The following MFN1 variants were observed in gnomAD, a reference collection of about 807,000 sequenced individuals.
MFN1 encodes mitofusin-1.
MFN1 carries 65 observed loss-of-function variants against 92.4 expected under a neutral mutation model. That is an observed-to-expected ratio of 0.70 (90% CI 0.58 to 0.86). The LOEUF is 0.86. Among genes scored for constraint, MFN1 ranks in the 40% least tolerant of loss-of-function variants. The pLI is 0.00. For synonymous variants in MFN1, 297 were observed against 300.9 expected (o/e 0.99, Z 0.13); for missense variants, 781 against 868.0 (o/e 0.90, Z 1.26).
intron 9 of MFN1, among the ~76,000 whole-genome samples, chr3:179,374,641 T>A (rs1221502241): frequency 6.6e-6 from 1 of 152,092 alleles, no homozygotes; most frequent in Non-Finnish European, 1.5e-5. Flanking sequence ...TACAATTATC[T>A]TCTAAACAGC....
At chr3:179,358,189 C>T (rs1238592580) in intron 3 of MFN1, among the ~76,000 whole-genome samples, 1 of 130,904 alleles carries the variant, frequency 7.6e-6, no homozygotes, top group Non-Finnish European at 1.5e-5. Context: ...CTGGCTCTGT[C>T]GCCCAGGCTG....
At chr3:179,351,578 C>T (rs1472112258) in intron 2 of MFN1, among the ~76,000 whole-genome samples, 2 of 152,188 alleles carry the variant, frequency 1.3e-5, no homozygotes, top group African/African-American at 4.8e-5. Flanking sequence ...TCCATTCAGT[C>T]AGGTTGGAAC....
chr3:179,353,886 C>T (rs1197921414), intron 3 of MFN1, among the ~76,000 whole-genome samples: 1 of 152,256 alleles, frequency 6.6e-6, no homozygotes, highest in Non-Finnish European at 1.5e-5. Flanking sequence ...AGTGCCTTCT[C>T]ATTCTTCATA....
intron 3 of MFN1, among the ~76,000 whole-genome samples, chr3:179,357,131 G>A (rs910031394): frequency 1.3e-5 from 2 of 151,898 alleles, no homozygotes; most frequent in African/African-American, 4.8e-5. Context: ...TGGATCTGGG[G>A]GCCCAAAAAA....
chr3:179,385,466 ATT>A (rs1713642576), intron 14 of MFN1, 101 bp from the exon 15 acceptor site: 2 of 1,057,984 alleles, frequency 1.9e-6, no homozygotes, highest in Non-Finnish European at 2.7e-6. Context: ...ATTTAGGGTA[ATT>A]TTTCCCTCAT....
intron 9 of MFN1, among the ~76,000 whole-genome samples, chr3:179,368,383 G>C (rs1013480718): frequency 2.0e-4 from 31 of 152,156 alleles, no homozygotes; most frequent in Admixed American, 1.4e-3. Context: ...GTTGTGCAAT[G>C]AATGAAATTC....
At chr3:179,384,389 C>T (rs1268506763) in intron 14 of MFN1, among the ~76,000 whole-genome samples, 3 of 151,980 alleles carry the variant, frequency 2.0e-5, no homozygotes. Flanking sequence ...TTTGCATTTC[C>T]CTAATGACCA....
intron 3 of MFN1, among the ~76,000 whole-genome samples, chr3:179,356,907 T>C (rs1712364583): frequency 6.6e-6 from 1 of 152,110 alleles, no homozygotes; most frequent in Non-Finnish European, 1.5e-5. Context: ...AATCGTAGGG[T>C]CACCAAATGA....
chr3:179,368,001 T>C (rs759366131), intron 8 of MFN1, 35 bp from the exon 9 acceptor site: 3 of 1,421,160 alleles, frequency 2.1e-6, no homozygotes, highest in Non-Finnish European at 2.8e-6. Flanking sequence ...TCTTGCTACA[T>C]ACTAGGTTTT....
intron 14 of MFN1, among the ~76,000 whole-genome samples, chr3:179,382,083 T>TA (rs559171251): frequency 5.3e-5 from 8 of 151,832 alleles, no homozygotes; most frequent in Admixed American, 1.3e-4. Flanking sequence ...AATTTTTTTT[T>TA]ATTATACTTT....
At chr3:179,380,446 T>C (rs1713421436) in intron 14 of MFN1, among the ~76,000 whole-genome samples, 1 of 152,116 alleles carries the variant, frequency 6.6e-6, no homozygotes, top group African/African-American at 2.4e-5. Context: ...TTTTTACTAG[T>C]CCATTATTGT....
chr3:179,357,063 G>C (rs991235914), intron 3 of MFN1, among the ~76,000 whole-genome samples: 91 of 152,134 alleles, frequency 6.0e-4, no homozygotes, highest in African/African-American at 2.2e-3. Context: ...ATAAGGCTAG[G>C]CTGTATTCGC....
intron 5 of MFN1, among the ~76,000 whole-genome samples, chr3:179,363,554 G>T (rs998070637): frequency 5.9e-5 from 9 of 151,696 alleles, no homozygotes; most frequent in Non-Finnish European, 5.9e-5. Context: ...TGCAGTGGTG[G>T]GATCATGGCT....
At chr3:179,365,958 G>A (rs1712770392) in intron 7 of MFN1, among the ~76,000 whole-genome samples, 1 of 152,150 alleles carries the variant, frequency 6.6e-6, no homozygotes, top group Admixed American at 6.5e-5. Flanking sequence ...AGTTATGAAT[G>A]CTACTGTGCA....
chr3:179,366,117 C>G (rs1167676390), intron 7 of MFN1, among the ~76,000 whole-genome samples: 1 of 152,144 alleles, frequency 6.6e-6, no homozygotes, highest in Non-Finnish European at 1.5e-5. Context: ...TTTTGTGCTA[C>G]TGGCATCTAA....
At chr3:179,389,215 G>GTTA (rs1713807556) in intron 16 of MFN1, among the ~76,000 whole-genome samples, 3 of 152,108 alleles carry the variant, frequency 2.0e-5, no homozygotes, top group Admixed American at 6.6e-5. Context: ...TTATATTAAG[G>GTTA]ATGAGTTTTC....
At position 179,380,017 on chromosome 3, in the gene MFN1, A is replaced by G. The variant is rs147780852; in HGVS notation, c.1662+1203A>G. On this transcript the variant is annotated intron_variant, in intron 14 of 17. Coordinates refer to ENST00000471841, the MANE Select transcript of MFN1 (RefSeq NM_033540.3). ...TGCAGTGAACACGTGCCACTTAAGG[A>G]CATGCTGATCATGAAATAAACATCT... Among the ~76,000 whole-genome samples the G allele has an allele frequency of 2.6e-3, 400 of 152,332 alleles. 2 individuals carry two copies. The highest frequency in any genetic ancestry group is 9.0e-3 in the African/African-American group (376 of 41,570).
At position 179,367,571 on chromosome 3, in the gene MFN1, G is replaced by A; in HGVS notation, c.886G>A (p.Ala296Thr). 3 of 1,611,244 alleles carry A rather than the reference G, an allele frequency of 1.9e-6. No individual in the cohort carries two copies. The highest frequency in any genetic ancestry group is 2.5e-6 in the Non-Finnish European group (3 of 1,179,096). The change falls in exon 8 of 18, where the codon GCA becomes ACA. Residue 296 changes from alanine (A) to threonine (T), a missense_variant. Transcript: ENST00000471841. ...KEVLSARKQK[A>T]QGMPESGVAL... ...AGTTCTTAGTGCTAGAAAGCAAAAAGCACAGGGGATGCCAGAAAGTGGTAT... is the reference window on the plus strand; with the variant it reads ...AGTTCTTAGTGCTAGAAAGCAAAAAACACAGGGGATGCCAGAAAGTGGTAT...
At chr3:179,367,700 G>A (rs1435665380) in intron 8 of MFN1, 108 bp downstream of exon 8, 7 of 920,598 alleles carry the variant, frequency 7.6e-6, no homozygotes, top group Non-Finnish European at 6.1e-6. Context: ...TGAGGCGGGC[G>A]GATCATGAGG....
Sources: gnomAD v4.1 joint callset for allele counts (sites outside exome capture counted in the v4.1 genomes callset) on GRCh38, gnomAD v4.1.1 for gene constraint, MANE v1.5 for transcripts, NCBI Gene and HGNC (gene_info 2026-07-23, HGNC 2026-07-21) for gene names.